Variants in SWT1 observed in about 807,000 individuals in gnomAD.
The protein encoded by SWT1 is SWT1 RNA endoribonuclease homolog.
A neutral mutation model predicts 107.3 loss-of-function variants in SWT1; 33 were observed. That is an observed-to-expected ratio of 0.31 (90% CI 0.23 to 0.41). SWT1 has a LOEUF of 0.41. Among genes scored for constraint, SWT1 ranks in the 10% least tolerant of loss-of-function variants. The probability of loss-of-function intolerance (pLI) is 1.00; values close to 1 mark genes in which losing one functional copy is unlikely to be tolerated. For missense variants in SWT1, 898 were observed against 1,028.9 expected (o/e 0.87, Z 1.74); for synonymous variants, 345 against 348.3 (o/e 0.99, Z 0.11).
intron 18 of SWT1, among the ~76,000 whole-genome samples, chr1:185,282,206 G>C (rs2102772875): frequency 6.6e-6 from 1 of 152,284 alleles, no homozygotes; most frequent in Non-Finnish European, 1.5e-5. Context: ...CAGAGTGCAT[G>C]AATTCCACCC....
intron 16 of SWT1, among the ~76,000 whole-genome samples, chr1:185,249,009 A>G (rs1032172190): frequency 2.6e-5 from 4 of 152,150 alleles, no homozygotes; most frequent in Non-Finnish European, 4.4e-5. Flanking sequence ...TTGGGAGTTG[A>G]CTAGACTCAT....
chr1:185,187,182 C>G (rs1656561644), intron 9 of SWT1, among the ~76,000 whole-genome samples: 2 of 151,338 alleles, frequency 1.3e-5, no homozygotes, highest in African/African-American at 4.9e-5. Flanking sequence ...CCTCAGCCTC[C>G]TAGAGTAGCT....
intron 10 of SWT1, among the ~76,000 whole-genome samples, chr1:185,199,279 G>C (rs922258082): frequency 2.0e-5 from 3 of 152,136 alleles, no homozygotes; most frequent in African/African-American, 7.2e-5. Flanking sequence ...GTGTGAATTT[G>C]ATTCTGTCAT....
At chr1:185,186,310 T>C (rs1015323631) in intron 9 of SWT1, among the ~76,000 whole-genome samples, 8 of 152,152 alleles carry the variant, frequency 5.3e-5, no homozygotes, top group African/African-American at 1.9e-4. Flanking sequence ...CTAGGAAGAT[T>C]CACAGCACTG....
chr1:185,290,540 G>A, intron 18 of SWT1, 134 bp from the exon 19 acceptor site: 1 of 495,832 alleles, frequency 2.0e-6, no homozygotes, highest in Non-Finnish European at 3.1e-6. Flanking sequence ...TATATACCTA[G>A]TTCAGAATAT....
intron 16 of SWT1, among the ~76,000 whole-genome samples, chr1:185,258,602 A>G (rs1037055681): frequency 2.0e-5 from 3 of 152,198 alleles, no homozygotes; most frequent in Admixed American, 6.5e-5. Context: ...TTCTAGATTG[A>G]CTATTATTTT....
At chr1:185,212,107 A>G (rs957443256) in intron 13 of SWT1, among the ~76,000 whole-genome samples, 1 of 152,136 alleles carries the variant, frequency 6.6e-6, no homozygotes, top group African/African-American at 2.4e-5. Context: ...CCTAATGTTA[A>G]ATGATGAGTT....
chr1:185,227,639 C>G (rs1660171919), intron 15 of SWT1: 1 of 581,150 alleles, frequency 1.7e-6, no homozygotes, highest in Admixed American at 2.2e-5. Context: ...TCGTCGTCTT[C>G]TACATTTCAC....
In SWT1 at chr1:185,174,245, T is replaced by C. The variant is rs921903986; in HGVS notation, c.225-127T>C. The C allele has an allele frequency of 4.4e-6, 3 of 676,126 alleles. No homozygotes were observed. The African/African-American group carries it at 5.7e-5, about 13-fold the overall frequency. The allele number at this position is 676,126 out of a possible 1,614,324, so 41.9% of individuals were successfully genotyped here. On this transcript the variant is annotated intron_variant, in intron 4 of 18. Coordinates refer to ENST00000367500, the MANE Select transcript of SWT1 (RefSeq NM_017673.7). ...GTGAGTAATCCTTTCCACTTCATTC[T>C]TAATGTAGCTATTTCTACTTTTTAT...
At chr1:185,209,802 T>C (rs1658627602) in intron 13 of SWT1, among the ~76,000 whole-genome samples, 2 of 152,214 alleles carry the variant, frequency 1.3e-5, no homozygotes, top group Non-Finnish European at 2.9e-5. Context: ...ATCACCACAC[T>C]GTCTTCCACA....
chr1:185,168,838 C>G (rs1029114311), intron 4 of SWT1, among the ~76,000 whole-genome samples: 14 of 152,024 alleles, frequency 9.2e-5, no homozygotes, highest in African/African-American at 3.4e-4. Context: ...AGCTAGAGAA[C>G]TTGGGGAATG....
chr1:185,167,293 A>G (rs565664636), intron 3 of SWT1, among the ~76,000 whole-genome samples: 1 of 152,236 alleles, frequency 6.6e-6, no homozygotes, highest in Non-Finnish European at 1.5e-5. Flanking sequence ...GTACAGCAAC[A>G]GAGCCAAGTC....
At chr1:185,258,682 A>G (rs1662800359) in intron 16 of SWT1, among the ~76,000 whole-genome samples, 1 of 152,068 alleles carries the variant, frequency 6.6e-6, no homozygotes, top group Non-Finnish European at 1.5e-5. Flanking sequence ...TGCTGTCAAC[A>G]TGTTGCTTTT....
At chr1:185,261,863 T>C (rs1663040859) in intron 16 of SWT1, among the ~76,000 whole-genome samples, 1 of 152,302 alleles carries the variant, frequency 6.6e-6, no homozygotes, top group African/African-American at 2.4e-5. Context: ...TTCTTATAAA[T>C]AGAGCATTTC....
intron 15 of SWT1, among the ~76,000 whole-genome samples, chr1:185,224,337 A>G (rs899007517): frequency 1.3e-4 from 20 of 152,004 alleles, no homozygotes; most frequent in African/African-American, 4.3e-4. Context: ...TTTGGTTACT[A>G]TAGCTTTGTG....
intron 17 of SWT1, among the ~76,000 whole-genome samples, chr1:185,276,156 TA>T (rs1160237430): frequency 2.6e-5 from 4 of 152,156 alleles, no homozygotes; most frequent in African/African-American, 9.7e-5. Context: ...GAAAGATTTT[TA>T]TATTTATGGT....
At chr1:185,165,911 A>G (rs957636558) in intron 2 of SWT1, among the ~76,000 whole-genome samples, 2 of 152,154 alleles carry the variant, frequency 1.3e-5, no homozygotes, top group Non-Finnish European at 2.9e-5. Context: ...CTCCATTCAG[A>G]TGTCAGCTCG....
rs573867597 is a variant in SWT1 at position 185,225,804 on chromosome 1, C to G, written c.2309+3768C>G. 2.4e-4 allele frequency among the ~76,000 whole-genome samples: 36 copies of G among 152,184 alleles called. No individual in the cohort carries two copies. The South Asian group carries it at 7.5e-3, about 32-fold the overall frequency. On this transcript the variant is annotated intron_variant, in intron 15 of 18. Transcript: ENST00000367500. ...TGTATTCTTATTGTCTTAAGTGACACGACTGTATTACTGTTATTCATTGTA... is the reference window on the plus strand; with the variant it reads ...TGTATTCTTATTGTCTTAAGTGACAGGACTGTATTACTGTTATTCATTGTA...
At chr1:185,169,622 A>G (rs1477992765) in intron 4 of SWT1, among the ~76,000 whole-genome samples, 1 of 152,054 alleles carries the variant, frequency 6.6e-6, no homozygotes, top group East Asian at 1.9e-4. Context: ...GCTGGGCACA[A>G]TGGGTCATAC....
Sources: gnomAD v4.1 joint callset for allele counts (sites outside exome capture counted in the v4.1 genomes callset) on GRCh38, gnomAD v4.1.1 for gene constraint, MANE v1.5 for transcripts, NCBI Gene and HGNC (gene_info 2026-07-23, HGNC 2026-07-21) for gene names.